The following ARHGAP10 variants were observed in gnomAD, a reference collection of about 807,000 sequenced individuals.
The protein encoded by ARHGAP10 is rho GTPase-activating protein 10.
A neutral mutation model predicts 108.6 loss-of-function variants in ARHGAP10; 87 were observed. The observed-to-expected ratio is 0.80, with a 90% CI of 0.67 to 0.96. ARHGAP10 has a LOEUF of 0.96. ARHGAP10 is among the 40% of genes least tolerant of loss of function. The pLI is 0.00. For synonymous variants in ARHGAP10, 347 were observed against 341.1 expected, an observed-to-expected ratio of 1.02 and a Z score of -0.19; for missense variants, 939 against 954.5, an observed-to-expected ratio of 0.98 and a Z score of 0.21.
Position 148,072,152 on chromosome 4 carries a change from C to T in ARHGAP10, c.*71C>T. ...CCTGGGGGCAGAGAGCTGTCTTCCT[C>T]CTCCGAGGCTCTGGGCTGCACCCAC... On this transcript the variant is annotated 3_prime_UTR_variant, in exon 23 of 23. Coordinates refer to ENST00000336498, the MANE Select transcript of ARHGAP10 (RefSeq NM_024605.4). 3 of 1,421,016 alleles carry T rather than the reference C, an allele frequency of 2.1e-6. No individual in the cohort carries two copies. The highest frequency in any genetic ancestry group is 2.0e-5 in the Admixed American group (1 of 50,558). 88.0% of individuals were successfully genotyped at this position (1,421,016 alleles called of 1,614,324 possible).
chr4:147,920,524 C>A (rs1024110775), intron 13 of ARHGAP10, among the ~76,000 whole-genome samples: 5 of 152,158 alleles, frequency 3.3e-5, no homozygotes, highest in Non-Finnish European at 7.3e-5. Context: ...GAAGACTTAT[C>A]GTAGCTAAAC....
intron 17 of ARHGAP10, 47 bp from the exon 18 acceptor site, chr4:147,966,633 T>A: frequency 1.3e-6 from 2 of 1,482,920 alleles, no homozygotes; most frequent in Non-Finnish European, 1.8e-6. Context: ...AGTCCACAAT[T>A]TTTGCTCCTT....
At chr4:147,902,452 G>A (rs536479095) in intron 10 of ARHGAP10, among the ~76,000 whole-genome samples, 13 of 152,282 alleles carry the variant, frequency 8.5e-5, no homozygotes, top group South Asian at 6.2e-4. Context: ...TTGAGGCCGG[G>A]CGCAGTGGCT....
At chr4:147,740,375 C>A (rs1157927680) in intron 1 of ARHGAP10, among the ~76,000 whole-genome samples, 4 of 152,136 alleles carry the variant, frequency 2.6e-5, no homozygotes, top group Non-Finnish European at 4.4e-5. Flanking sequence ...TTTGTCTTCA[C>A]TCCAAAACCC....
At chr4:147,784,660 AATATATATT>A (rs1205677451) in intron 1 of ARHGAP10, among the ~76,000 whole-genome samples, 1 of 16,744 alleles carries the variant, frequency 6.0e-5, no homozygotes, top group South Asian at 3.1e-3. Context: ...TATATTATAA[AATATATATT>A]ATATATTATA....
intron 4 of ARHGAP10, among the ~76,000 whole-genome samples, chr4:147,848,567 T>C (rs537950299): frequency 1.6e-4 from 24 of 152,394 alleles, no homozygotes; most frequent in African/African-American, 5.5e-4. Context: ...TTAAGCTCTT[T>C]AAAGCTTGTT....
At chr4:147,910,143 G>T (rs1736674548) in intron 12 of ARHGAP10, among the ~76,000 whole-genome samples, 1 of 152,052 alleles carries the variant, frequency 6.6e-6, no homozygotes, top group Non-Finnish European at 1.5e-5. Context: ...GAGTAGCTGG[G>T]ACTACAGGCA....
chr4:147,944,435 G>A (rs1738291918), intron 14 of ARHGAP10, among the ~76,000 whole-genome samples: 1 of 152,198 alleles, frequency 6.6e-6, no homozygotes, highest in Admixed American at 6.5e-5. Flanking sequence ...GACCTCATAT[G>A]TATGATGCTA....
intron 1 of ARHGAP10, among the ~76,000 whole-genome samples, chr4:147,776,259 G>A (rs1393936674): frequency 4.6e-5 from 7 of 152,040 alleles, no homozygotes; most frequent in Non-Finnish European, 1.0e-4. Context: ...TTGCTCTGTC[G>A]CCCAGGCTGG....
At chr4:148,007,422 G>A (rs111680260) in intron 18 of ARHGAP10, among the ~76,000 whole-genome samples, 2,190 of 152,318 alleles carry the variant, frequency 0.014, 52 homozygotes, top group African/African-American at 0.049. Context: ...AGGAAGAAGA[G>A]TGTGACAGGT....
intron 16 of ARHGAP10, among the ~76,000 whole-genome samples, chr4:147,955,659 G>T (rs1270352407): frequency 6.6e-6 from 1 of 151,982 alleles, no homozygotes; most frequent in African/African-American, 2.4e-5. Flanking sequence ...CAAGTACTGG[G>T]GCATACTTCT....
At chr4:147,852,741 G>A (rs1394873189) in intron 4 of ARHGAP10, among the ~76,000 whole-genome samples, 102 of 134,530 alleles carry the variant, frequency 7.6e-4, no homozygotes, top group African/African-American at 2.6e-3. Context: ...AAAATGGAGC[G>A]GAGTTTCGCC....
At chr4:147,785,098 AAAG>A (rs965372319) in intron 1 of ARHGAP10, among the ~76,000 whole-genome samples, 1 of 146,312 alleles carries the variant, frequency 6.8e-6, no homozygotes, top group African/African-American at 2.5e-5. Context: ...AAAAAAAAAA[AAAG>A]AATAACATCT....
rs34163684 is a variant in ARHGAP10, at chr4:147,833,802, G to GAT, written c.312+10854_312+10855dup. On this transcript the variant is annotated intron_variant, in intron 3 of 22. Transcript: ENST00000336498. ...ACAGTTGGTGGTGATTAGATTCAATGATATATATATTAAGTTGGTGGTAGA... is the reference window on the plus strand; with the variant it reads ...ACAGTTGGTGGTGATTAGATTCAATGATATATATATATTAAGTTGGTGGTAGA... Among the ~76,000 whole-genome samples, 706 of 152,192 alleles carry GAT rather than the reference G, an allele frequency of 4.6e-3. 8 individuals are homozygous for GAT. The highest frequency in any genetic ancestry group is 0.015 in the African/African-American group (632 of 41,504).
intron 13 of ARHGAP10, among the ~76,000 whole-genome samples, chr4:147,919,426 T>C (rs924958698): frequency 6.6e-5 from 10 of 152,208 alleles, no homozygotes; most frequent in Non-Finnish European, 1.3e-4. Context: ...TTTCATCCGT[T>C]TACCAAATAT....
chr4:148,069,087 T>C (rs58165362), intron 22 of ARHGAP10, among the ~76,000 whole-genome samples: 6,248 of 152,046 alleles, frequency 0.041, 430 homozygotes, highest in African/African-American at 0.14. Context: ...AGACACTGCT[T>C]GGGGGAGGAG....
intron 10 of ARHGAP10, among the ~76,000 whole-genome samples, chr4:147,885,840 A>G (rs1242960891): frequency 6.6e-6 from 1 of 152,150 alleles, no homozygotes; most frequent in Non-Finnish European, 1.5e-5. Context: ...CTCTTGTAAT[A>G]TGTAGTTTCC....
At chr4:147,854,785 G>A (rs1438462916) in intron 4 of ARHGAP10, 6 of 985,180 alleles carry the variant, frequency 6.1e-6, no homozygotes, top group African/African-American at 3.5e-5. Context: ...ACAAAACACA[G>A]CAGCATTTGT....
intron 13 of ARHGAP10, among the ~76,000 whole-genome samples, chr4:147,924,020 G>A (rs969213286): frequency 3.9e-5 from 6 of 152,222 alleles, no homozygotes; most frequent in African/African-American, 1.4e-4. Flanking sequence ...TGAGGTGAGC[G>A]TGGGTGGAAA....
Sources: gnomAD v4.1 joint callset for allele counts (sites outside exome capture counted in the v4.1 genomes callset) on GRCh38, gnomAD v4.1.1 for gene constraint, MANE v1.5 for transcripts, NCBI Gene and HGNC (gene_info 2026-07-23, HGNC 2026-07-21) for gene names.